RNPS1: variants seen among roughly 807,000 people sequenced by gnomAD.
RNPS1 encodes the protein RNA binding protein with serine rich domain 1.
For missense variants in RNPS1, 300 were observed against 427.6 expected (o/e 0.70, Z 2.63); for synonymous variants, 147 against 150.0 (o/e 0.98, Z 0.15).
chr16:2,259,703 CAG>C (rs898320319), intron 6 of RNPS1, among the ~76,000 whole-genome samples: 34 of 152,318 alleles, frequency 2.2e-4, no homozygotes, highest in Non-Finnish European at 3.5e-4. Context: ...TCCTGGCTAA[CAG>C]GGTGAAACTC....
chr16:2,264,098 A>G (rs1303442277), intron 3 of RNPS1, 78 bp downstream of exon 3: 5 of 1,540,150 alleles, frequency 3.2e-6, no homozygotes, highest in Non-Finnish European at 3.5e-6. Context: ...AATAATCAAG[A>G]AAACCGAGCC....
At chr16:2,262,687 C>G in intron 5 of RNPS1, 53 bp downstream of exon 5, 1 of 1,478,758 alleles carries the variant, frequency 6.8e-7, no homozygotes, top group Non-Finnish European at 9.4e-7. Context: ...TCTGCAGGCA[C>G]AGGCCTGCTT....
At chr16:2,261,971 A>G (rs2141570782) in intron 6 of RNPS1, among the ~76,000 whole-genome samples, 1 of 152,364 alleles carries the variant, frequency 6.6e-6, no homozygotes. Flanking sequence ...CTTAAAAAAT[A>G]TATAAGCTCT....
rs1285976234 is a variant in RNPS1 at position 2,263,162 on chromosome 16, C to G, written c.353G>C (p.Ser118Thr). Residue 118 changes from serine (S) to threonine (T), a missense_variant, in exon 4 of 8, where the codon AGC becomes ACC. By Grantham distance (58) the Ser-to-Thr change is moderately conservative. Transcript: ENST00000320225. Reference protein sequence around the residue: ...SSSTSRSSSSSSSSGSPSPSR... With the variant: ...SSSTSRSSSSTSSSGSPSPSR... ...AGGACTTGGAGAGCCAGAAGAGCTG[C>G]TAGAGCTGGAGCTGCGGGAGGTGCT... 6.2e-7 allele frequency: 1 copy of G among 1,613,754 alleles called. No individual in the cohort carries two copies. The highest frequency in any genetic ancestry group is 8.5e-7 in the Non-Finnish European group (1 of 1,179,914).
Position 2,253,338 on chromosome 16 carries a change from G to C in RNPS1, c.*626C>G, listed in dbSNP as rs1465277605. ...CACCATGAACGGCAGGCACAACCATGGCTGCGTGATGACTCCGCAGAGCTG... is the reference window on the plus strand; with the variant it reads ...CACCATGAACGGCAGGCACAACCATCGCTGCGTGATGACTCCGCAGAGCTG... On this transcript the variant is annotated 3_prime_UTR_variant, in exon 8 of 8. Coordinates refer to ENST00000320225, the MANE Select transcript of RNPS1 (RefSeq NM_080594.4). The C allele has an allele frequency of 2.0e-4, 30 of 152,746 alleles. No homozygotes were observed. 9.5% of individuals were successfully genotyped at this position (152,746 alleles called of 1,614,324 possible). A position where few individuals can be genotyped will look rare whatever the true frequency, so the allele number is the denominator to read the frequency against.
intron 3 of RNPS1, 27 bp from the exon 4 acceptor site, chr16:2,263,314 C>A (rs1248428059): frequency 6.2e-7 from 1 of 1,610,832 alleles, no homozygotes; most frequent in East Asian, 2.2e-5. Context: ...GGGTCACAAC[C>A]ACCACACACC....
intron 6 of RNPS1, among the ~76,000 whole-genome samples, chr16:2,261,491 C>T (rs1335442622): frequency 6.6e-6 from 1 of 152,190 alleles, no homozygotes; most frequent in African/African-American, 2.4e-5. Flanking sequence ...CTACGATTCT[C>T]GTGATTAATA....
rs926460989 is a variant in RNPS1, at chr16:2,264,751, A to C, written c.-108T>G. ...TCCCTAATCGATTGCAATTTACGCC[A>C]AAGAGCAGCCTAATAACAAGATAAA... On this transcript the variant is annotated 5_prime_UTR_variant, in exon 2 of 8. Coordinates refer to ENST00000320225, the MANE Select transcript of RNPS1 (RefSeq NM_080594.4). 3 of 1,562,688 alleles carry C rather than the reference A, an allele frequency of 1.9e-6. No homozygotes were observed. The highest frequency in any genetic ancestry group is 2.3e-5 in the East Asian group (1 of 44,288).
At chr16:2,257,981 T>A (rs980109237) in intron 6 of RNPS1, 9 of 152,218 alleles carry the variant, frequency 5.9e-5, no homozygotes, top group Non-Finnish European at 4.4e-5. Context: ...GGAGCAGAGA[T>A]GACTCCACAT....
At chr16:2,265,242 T>C (rs752125662) in intron 1 of RNPS1, 1 of 152,402 alleles carries the variant, frequency 6.6e-6, no homozygotes, top group Non-Finnish European at 1.5e-5. Context: ...GGTACCAGCA[T>C]CAAAACACTT....
intron 6 of RNPS1, among the ~76,000 whole-genome samples, chr16:2,260,837 A>G (rs911474708): frequency 5.3e-5 from 8 of 152,210 alleles, no homozygotes; most frequent in Non-Finnish European, 1.0e-4. Flanking sequence ...GAAGCCCCCA[A>G]AAAAAATTGT....
At chr16:2,268,005 G>A (rs536524058) in intron 1 of RNPS1, 50 bp downstream of exon 1, 2 of 1,533,560 alleles carry the variant, frequency 1.3e-6, no homozygotes, top group African/African-American at 1.4e-5. Flanking sequence ...TGCCGGGCCT[G>A]CCGGGCAGCC....
chr16:2,258,914 G>A (rs866603707), intron 6 of RNPS1, among the ~76,000 whole-genome samples: 1 of 151,950 alleles, frequency 6.6e-6, no homozygotes, highest in East Asian at 1.9e-4. Context: ...CCTGAGGTCT[G>A]GAGTTCAAGA....
intron 1 of RNPS1, chr16:2,265,380 T>C (rs576960173): frequency 6.6e-6 from 1 of 152,256 alleles, no homozygotes; most frequent in Admixed American, 6.5e-5. Context: ...GGAAGACACA[T>C]GCAAGTCTGC....
intron 6 of RNPS1, 62 bp from the exon 7 acceptor site, chr16:2,255,788 C>A: frequency 1.3e-6 from 2 of 1,549,050 alleles, no homozygotes; most frequent in Admixed American, 3.7e-5. Flanking sequence ...ACAATGCATG[C>A]CACAGTGAAA....
intron 2 of RNPS1, 42 bp from the exon 3 acceptor site, chr16:2,264,373 C>G (rs917684274): frequency 5.6e-6 from 9 of 1,612,852 alleles, no homozygotes; most frequent in Non-Finnish European, 7.6e-6. Flanking sequence ...GCTCCTCTGA[C>G]CAAACCCAAA....
chr16:2,253,744 C>G lies in RNPS1; in HGVS notation c.*220G>C. ...TAGAAACCGGAAACGGATGAGCTTT[C>G]TAGCCAGAAAACCGGAGGGAATCTT... On this transcript the variant is annotated 3_prime_UTR_variant, in exon 8 of 8. Transcript: ENST00000320225. 1.5e-6 allele frequency: 1 copy of G among 663,316 alleles called. No individual in the cohort carries two copies. The highest frequency in any genetic ancestry group is 1.6e-5 in the South Asian group (1 of 61,320). 41.1% of individuals were successfully genotyped at this position (663,316 alleles called of 1,614,324 possible). A position where few individuals can be genotyped will look rare whatever the true frequency, so the allele number is the denominator to read the frequency against.
chr16:2,260,642 G>A (rs1756828675), intron 6 of RNPS1, among the ~76,000 whole-genome samples: 1 of 152,078 alleles, frequency 6.6e-6, no homozygotes, highest in African/African-American at 2.4e-5. Flanking sequence ...CAACTCACAG[G>A]TATTTAATTG....
chr16:2,255,503 G>C, intron 7 of RNPS1, 82 bp downstream of exon 7: 1 of 1,469,496 alleles, frequency 6.8e-7, no homozygotes, highest in South Asian at 1.3e-5. Context: ...AGGCAGGCAG[G>C]GCTGAATAAA....
Sources: allele counts gnomAD v4.1 joint callset (sites outside exome capture counted in the v4.1 genomes callset), GRCh38; gene constraint gnomAD v4.1.1; transcripts MANE v1.5; gene names NCBI Gene and HGNC (gene_info 2026-07-23, HGNC 2026-07-21).